TRPM2: variants seen among roughly 807,000 people sequenced by gnomAD.
The protein encoded by TRPM2 is estrogen-responsive element-associated gene 1 protein.
A neutral mutation model predicts 174.0 loss-of-function variants in TRPM2; 161 were observed. The observed-to-expected ratio is 0.93, with a 90% CI of 0.81 to 1.05. TRPM2 has a LOEUF of 1.05. Ranked by LOEUF, TRPM2 falls within the 50% of genes least tolerant of loss-of-function variation. The pLI, the probability that TRPM2 is intolerant of heterozygous loss-of-function variation, is 0.00. For missense variants in TRPM2, 2,057 were observed against 2,038.0 expected, an observed-to-expected ratio of 1.01 and a Z score of -0.18; for synonymous variants, 954 against 861.3, an observed-to-expected ratio of 1.11 and a Z score of -1.88.
In TRPM2 at chr21:44,354,689, G is replaced by A. The variant is rs1299229613; in HGVS notation, c.207G>A (p.Lys69=). ...LSSWIPENIK[K]KECVYFVESS... is the part of the protein sequence containing the mutation. The stretch of plus-strand genomic sequence containing the variant: ...CGTGGATTCCTGAAAACATCAAGAA[G>A]AAAGAATGCGTGTATTTTGTGGAAA... Residue 69 remains lysine, a synonymous_variant, in exon 2 of 32, where the codon AAG becomes AAA. Transcript: ENST00000397928. The surrounding 1 kb of genome is among the most constrained non-coding windows in gnomAD (Gnocchi z 4.3). 1.9e-6 allele frequency: 3 copies of A among 1,614,212 alleles called. No homozygotes were observed. The highest frequency in any genetic ancestry group is 2.2e-5 in the East Asian group (1 of 44,880).
intron 12 of TRPM2, 122 bp from the exon 13 acceptor site, chr21:44,397,625 G>T (rs895157792): frequency 1.8e-6 from 2 of 1,094,956 alleles, no homozygotes; most frequent in Admixed American, 6.7e-5. Flanking sequence ...CACACACAGT[G>T]ATTGCCCAGT....
chr21:44,436,769 A>G (rs1184190926), intron 28 of TRPM2, among the ~76,000 whole-genome samples: 1 of 151,916 alleles, frequency 6.6e-6, no homozygotes, highest in African/African-American at 2.4e-5. Flanking sequence ...CAAACTGCAA[A>G]GCTGGGTCAA....
Position 44,406,706 on chromosome 21 carries a change from G to C in TRPM2, c.2903G>C (p.Arg968Pro), listed in dbSNP as rs553623616. The C allele has an allele frequency of 6.2e-6, 10 of 1,608,778 alleles. No homozygotes were observed. The highest frequency in any genetic ancestry group is 8.5e-6 in the Non-Finnish European group (10 of 1,179,128). The change falls in exon 19 of 32, where the codon CGA (arginine) becomes CCA (proline). Residue 968 changes from arginine (R) to proline (P), a missense_variant. Coordinates refer to ENST00000397928, the MANE Select transcript of TRPM2 (RefSeq NM_003307.4). ...GAGCGCCGGGTGGACTGGCTGTTCC[G>C]AGGGGCCGTCTACCACTCCTACCTC... ...HNERRVDWLF[R>P]GAVYHSYLTI...
chr21:44,397,895 G>A lies in TRPM2; in HGVS notation c.2062+19G>A, dbSNP rs201338081. 302 of 1,576,184 alleles carry A rather than the reference G, an allele frequency of 1.9e-4. 3 individuals carry two copies. The African/African-American group carries it at 3.4e-3, about 18-fold the overall frequency. Reference sequence around the variant, plus strand: ...GCCATCGGTGAGCTCTGCCGGGCACGGGCTGCAGGCCATGGCTCAGCCGTG... The same window carrying A: ...GCCATCGGTGAGCTCTGCCGGGCACAGGCTGCAGGCCATGGCTCAGCCGTG... On this transcript the variant is annotated intron_variant, in intron 13 of 31. Transcript: ENST00000397928.
In TRPM2 at chr21:44,423,336, G is replaced by A. The variant is rs992718543; in HGVS notation, c.3462-309G>A. The A allele has an allele frequency of 1.7e-4, 68 of 393,348 alleles. 1 individual carries two copies. The Middle Eastern group carries it at 2.3e-3, about 14-fold the overall frequency. The allele number at this position is 393,348 out of a possible 1,614,324, so 24.4% of individuals were successfully genotyped here. ...TGCTGTGCCCAGAGGAAGTTTCATT[G>A]TTTGTGACCTGTCACCTGGCCCTCC... is the stretch of plus-strand genomic sequence containing the variant. On this transcript the variant is annotated intron_variant, in intron 22 of 31. Transcript: ENST00000397928.
At chr21:44,355,078 AAG>A (rs1457675304) in intron 2 of TRPM2, among the ~76,000 whole-genome samples, 2 of 152,066 alleles carry the variant, frequency 1.3e-5, no homozygotes, top group Admixed American at 6.6e-5. Context: ...CCCCCACCCC[AAG>A]AGAGAGAGTC....
Position 44,397,886 on chromosome 21 carries a change from G to A in TRPM2, c.2062+10G>A. On this transcript the variant is annotated intron_variant, in intron 13 of 31. Coordinates refer to ENST00000397928, the MANE Select transcript of TRPM2 (RefSeq NM_003307.4). ...GAGCACAGAGCCATCGGTGAGCTCT[G>A]CCGGGCACGGGCTGCAGGCCATGGC... The A allele has an allele frequency of 6.3e-7, 1 of 1,588,178 alleles. No homozygotes were observed. Among genetic ancestry groups the A allele is most frequent in the Non-Finnish European group, 8.6e-7 (1 of 1,167,578 alleles).
chr21:44,407,267 A>G (rs999482665), intron 19 of TRPM2, among the ~76,000 whole-genome samples: 14 of 142,744 alleles, frequency 9.8e-5, no homozygotes, highest in Admixed American at 2.2e-4. Context: ...CTGGGACTGC[A>G]TGTGCACGCC....
At chr21:44,381,955 TA>T (rs1416451957) in intron 8 of TRPM2, among the ~76,000 whole-genome samples, 2 of 19,184 alleles carry the variant, frequency 1.0e-4, no homozygotes, top group African/African-American at 1.4e-4. Context: ...GATAGATGGA[TA>T]GATAGATAGA....
Position 44,391,228 on chromosome 21 carries a change from G to T in TRPM2, c.1441-44G>T, listed in dbSNP as rs2049163333. On this transcript the variant is annotated intron_variant, in intron 10 of 31. Coordinates refer to ENST00000397928, the MANE Select transcript of TRPM2 (RefSeq NM_003307.4). This position sits in a 1 kb window ranked among gnomAD's most constrained non-coding sequence, Gnocchi z 5.0. ...GTCTTTGAGATCAGGATGACATGGG[G>T]TGATGACCAAATGCAACCGTCACTG... The T allele has an allele frequency of 3.2e-6, 5 of 1,575,284 alleles. No individual in the cohort carries two copies. The Admixed American group carries it at 8.5e-5, about 27-fold the overall frequency.
intron 13 of TRPM2, 33 bp downstream of exon 13, chr21:44,397,909 G>C: frequency 6.4e-7 from 1 of 1,556,906 alleles, no homozygotes; most frequent in Non-Finnish European, 8.7e-7. Flanking sequence ...TGCAGGCCAT[G>C]GCTCAGCCGT....
intron 2 of TRPM2, among the ~76,000 whole-genome samples, chr21:44,357,844 C>T (rs945067668): frequency 2.6e-5 from 4 of 152,284 alleles, no homozygotes; most frequent in Non-Finnish European, 4.4e-5. Context: ...TCTGCTGCAC[C>T]GAGTCTGTCC....
In TRPM2 at chr21:44,432,966, A is replaced by G. The variant is rs2051080939; in HGVS notation, c.3975-2165A>G. On this transcript the variant is annotated intron_variant, in intron 27 of 31. Coordinates refer to ENST00000397928, the MANE Select transcript of TRPM2 (RefSeq NM_003307.4). The surrounding 1 kb of genome is among the most constrained non-coding windows in gnomAD (Gnocchi z 4.9). ...GCAGGGAGATGAGGGGTTGAGAACC[A>G]TATGGACGAGATCATGACCGGGGGA... Among the ~76,000 whole-genome samples the G allele has an allele frequency of 6.6e-6, 1 of 152,164 alleles. No homozygotes were observed. Among genetic ancestry groups the G allele is most frequent in the East Asian group, 1.9e-4 (1 of 5,198 alleles).
chr21:44,374,852 G>T (rs556067051), intron 5 of TRPM2, among the ~76,000 whole-genome samples: 2 of 152,282 alleles, frequency 1.3e-5, no homozygotes, highest in East Asian at 3.9e-4. Context: ...GGCCCAGGGG[G>T]TGGGGGACCC....
intron 28 of TRPM2, among the ~76,000 whole-genome samples, chr21:44,436,825 A>G (rs944628468): frequency 2.6e-5 from 4 of 152,148 alleles, no homozygotes; most frequent in Non-Finnish European, 5.9e-5. Context: ...AAAATTCTCC[A>G]TGAAGGCTGG....
chr21:44,386,763 TGGAGTCTAAAG>T (rs1399605821), intron 9 of TRPM2, among the ~76,000 whole-genome samples: 1 of 151,896 alleles, frequency 6.6e-6, no homozygotes, highest in Admixed American at 6.6e-5. Context: ...AAAATTCATG[TGGAGTCTAAAG>T]GGATCCCAAA....
intron 16 of TRPM2, among the ~76,000 whole-genome samples, chr21:44,402,589 G>A (rs1006553130): frequency 2.6e-5 from 4 of 152,172 alleles, no homozygotes; most frequent in Non-Finnish European, 4.4e-5. Context: ...AAAACTGCCC[G>A]GGGCCCCACC....
chr21:44,381,424 T>C (rs972261681), intron 8 of TRPM2, among the ~76,000 whole-genome samples: 1 of 139,610 alleles, frequency 7.2e-6, no homozygotes, highest in Non-Finnish European at 1.5e-5. Context: ...GGTAGATAGA[T>C]GGATGGATGA....
intron 16 of TRPM2, among the ~76,000 whole-genome samples, chr21:44,403,559 T>C (rs1357812474): frequency 2.0e-5 from 3 of 149,644 alleles, no homozygotes; most frequent in South Asian, 2.1e-4. Flanking sequence ...CACACATACA[T>C]ACATGCATAT....
Sources: allele counts gnomAD v4.1 joint callset (sites outside exome capture counted in the v4.1 genomes callset), GRCh38; gene constraint gnomAD v4.1.1; non-coding constraint Gnocchi (gnomAD v3.1); transcripts MANE v1.5; gene names NCBI Gene and HGNC (gene_info 2026-07-23, HGNC 2026-07-21).